ELP4: variants seen among roughly 807,000 people sequenced by gnomAD.
The protein encoded by ELP4 is elongator complex protein 4.
In ELP4, 51 loss-of-function variants were observed where a neutral mutation model predicts 48.9. The ratio of observed to expected loss-of-function variants is 1.04; its 90% CI spans 0.83 to 1.32. ELP4 has a LOEUF of 1.32. Among genes scored for constraint, ELP4 ranks in the 40% most tolerant of loss-of-function variants. ELP4 has a pLI of 0.00. For synonymous variants in ELP4, 210 were observed against 189.2 expected, an observed-to-expected ratio of 1.11 and a Z score of -0.90; for missense variants, 519 against 514.6, an observed-to-expected ratio of 1.01 and a Z score of -0.08.
intron 3 of ELP4, among the ~76,000 whole-genome samples, chr11:31,577,176 A>G (rs1179206843): frequency 6.6e-6 from 1 of 152,252 alleles, no homozygotes; most frequent in Non-Finnish European, 1.5e-5. Context: ...AATAAACTAG[A>G]AAATCTAGAA....
At chr11:31,750,048 T>C (rs1209947918) in intron 9 of ELP4, among the ~76,000 whole-genome samples, 5 of 151,844 alleles carry the variant, frequency 3.3e-5, no homozygotes, top group Admixed American at 6.6e-5. Flanking sequence ...TATTTTTTAC[T>C]AGAGACGGGG....
At chr11:31,573,675 T>G (rs921801850) in intron 3 of ELP4, 1 of 152,180 alleles carries the variant, frequency 6.6e-6, no homozygotes, top group Non-Finnish European at 1.5e-5. Context: ...TAAACTTAGT[T>G]ATTTTCAAAC....
chr11:31,756,214 A>G (rs1947829624), intron 9 of ELP4, among the ~76,000 whole-genome samples: 1 of 152,128 alleles, frequency 6.6e-6, no homozygotes, highest in Non-Finnish European at 1.5e-5. Context: ...ATTCCCACAC[A>G]AGAATGATGT....
intron 3 of ELP4, among the ~76,000 whole-genome samples, chr11:31,543,160 G>GTTA (rs1317637846): frequency 6.6e-6 from 1 of 152,182 alleles, no homozygotes; most frequent in Non-Finnish European, 1.5e-5. Flanking sequence ...GATAACTTAA[G>GTTA]GGTCCCTAAC....
rs558016041 is a variant in ELP4 at position 31,736,008 on chromosome 11, G to A, written c.1144-47385G>A. On this transcript the variant is annotated intron_variant, in intron 9 of 9. Coordinates refer to ENST00000640961, the MANE Select transcript of ELP4 (RefSeq NM_019040.5). ...TTCATATGGAACCAAAAAAGAGCCCGCATTGCCAAGTCAATCCTAAGCCAA... is the reference window on the plus strand; with the variant it reads ...TTCATATGGAACCAAAAAAGAGCCCACATTGCCAAGTCAATCCTAAGCCAA... Among the ~76,000 whole-genome samples the A allele has an allele frequency of 5.8e-3, 880 of 152,136 alleles. 10 individuals carry two copies. The highest frequency in any genetic ancestry group is 0.02 in the African/African-American group (835 of 41,520).
At chr11:31,731,497 T>C (rs1947183725) in intron 9 of ELP4, among the ~76,000 whole-genome samples, 1 of 151,514 alleles carries the variant, frequency 6.6e-6, no homozygotes, top group Non-Finnish European at 1.5e-5. Context: ...TTTGAAATTA[T>C]CCCGTCAGAG....
In ELP4 at chr11:31,745,439, C is replaced by T. The variant is rs185019211; in HGVS notation, c.1144-37954C>T. 1.4e-3 allele frequency among the ~76,000 whole-genome samples: 214 copies of T among 152,292 alleles called. 1 individual carries two copies. The highest frequency in any genetic ancestry group is 1.8e-3 in the Non-Finnish European group (123 of 68,032). On this transcript the variant is annotated intron_variant, in intron 9 of 9. Coordinates refer to ENST00000640961, the MANE Select transcript of ELP4 (RefSeq NM_019040.5). ...AAAGAGCCCACTTCGCCAAGTCAAT[C>T]CTAAGCCAAAAGAACAAAGCTGGAG...
intron 3 of ELP4, among the ~76,000 whole-genome samples, chr11:31,568,724 C>A (rs567311241): frequency 2.0e-5 from 3 of 152,116 alleles, no homozygotes; most frequent in Middle Eastern, 3.2e-3. Context: ...TGGCTATCCA[C>A]GTGAAGAGGA....
chr11:31,626,779 A>G (rs1944753309), intron 5 of ELP4, among the ~76,000 whole-genome samples: 1 of 151,862 alleles, frequency 6.6e-6, no homozygotes. Flanking sequence ...ACTCCTGAAA[A>G]TCTATAGTGG....
intron 9 of ELP4, among the ~76,000 whole-genome samples, chr11:31,752,399 A>G (rs190630386): frequency 2.0e-5 from 3 of 152,282 alleles, no homozygotes; most frequent in Admixed American, 1.3e-4. Flanking sequence ...AAGAGAATAT[A>G]TTTTTCTTAA....
At chr11:31,647,604 CTTTAACT>C in intron 7 of ELP4, 130 bp from the exon 8 acceptor site, 1 of 577,824 alleles carries the variant, frequency 1.7e-6, no homozygotes, top group East Asian at 3.0e-5. Flanking sequence ...CCTATAGTAG[CTTTAACT>C]TTTAAGTTAT....
chr11:31,541,420 C>T (rs1956588999), intron 3 of ELP4: 1 of 152,046 alleles, frequency 6.6e-6, no homozygotes, highest in Non-Finnish European at 1.5e-5. Context: ...TCTTGGCCAA[C>T]TTCTGGACAG....
intron 9 of ELP4, among the ~76,000 whole-genome samples, chr11:31,686,374 T>C (rs2134131224): frequency 6.6e-6 from 1 of 151,278 alleles, no homozygotes; most frequent in South Asian, 2.1e-4. Flanking sequence ...ATCTTGATTA[T>C]CTTAAGTACA....
intron 9 of ELP4, among the ~76,000 whole-genome samples, chr11:31,706,425 C>CT (rs1946633709): frequency 6.6e-6 from 1 of 151,368 alleles, no homozygotes. Context: ...GAAGCCAGCA[C>CT]TTCAAGACCA....
intron 9 of ELP4, among the ~76,000 whole-genome samples, chr11:31,700,817 A>G (rs931126432): frequency 6.6e-6 from 1 of 152,128 alleles, no homozygotes; most frequent in Non-Finnish European, 1.5e-5. Flanking sequence ...CAATGAGAAT[A>G]TAAGAATGTT....
At chr11:31,614,934 G>T (rs986527) in intron 5 of ELP4, among the ~76,000 whole-genome samples, 1 of 151,880 alleles carries the variant, frequency 6.6e-6, no homozygotes, top group Non-Finnish European at 1.5e-5. Flanking sequence ...AAGCTATTTC[G>T]TTTTGCTGTA....
chr11:31,539,794 T>C lies in ELP4; in HGVS notation c.381+11T>C. ...GCCAACATTTTACAGGTATAGAATA[T>C]ATGAACTTAATATTGCATTTTGAAT... On this transcript the variant is annotated intron_variant, in intron 3 of 9. Coordinates refer to ENST00000640961, the MANE Select transcript of ELP4 (RefSeq NM_019040.5). 2 of 1,582,100 alleles carry C rather than the reference T, an allele frequency of 1.3e-6. No individual in the cohort carries two copies. Among genetic ancestry groups the C allele is most frequent in the African/African-American group, 1.4e-5 (1 of 73,740 alleles).
intron 1 of ELP4, chr11:31,511,459 C>T (rs543567551): frequency 5.3e-5 from 8 of 152,206 alleles, no homozygotes; most frequent in African/African-American, 1.9e-4. Context: ...TACCTCCTGG[C>T]ACTTAGTAGA....
intron 7 of ELP4, among the ~76,000 whole-genome samples, chr11:31,640,824 A>C (rs1945080077): frequency 6.6e-6 from 1 of 152,002 alleles, no homozygotes; most frequent in South Asian, 2.1e-4. Flanking sequence ...CCAGTTCAGC[A>C]TAGTAGAGCC....
Sources: allele counts gnomAD v4.1 joint callset (sites outside exome capture counted in the v4.1 genomes callset), GRCh38; gene constraint gnomAD v4.1.1; transcripts MANE v1.5; gene names NCBI Gene and HGNC (gene_info 2026-07-23, HGNC 2026-07-21).